The following MITF variants were observed in gnomAD, a reference collection of about 807,000 sequenced individuals.
MITF encodes microphthalmia-associated transcription factor.
MITF carries 17 observed loss-of-function variants against 60.5 expected under a neutral mutation model. The observed-to-expected ratio is 0.28, with a 90% CI of 0.19 to 0.42. The LOEUF (loss-of-function observed/expected upper bound fraction) is 0.42, where lower values mean the gene tolerates loss of function less well. MITF is among the 10% of genes least tolerant of loss of function. The pLI, the probability that MITF is intolerant of heterozygous loss-of-function variation, is 1.00. For missense variants in MITF, 622 were observed against 683.5 expected, an observed-to-expected ratio of 0.91 and a Z score of 1.00; for synonymous variants, 260 against 248.5, an observed-to-expected ratio of 1.05 and a Z score of -0.43.
chr3:69,755,644 A>C (rs896366905), intron 1 of MITF, among the ~76,000 whole-genome samples: 1 of 152,010 alleles, frequency 6.6e-6, no homozygotes, highest in African/African-American at 2.4e-5. Context: ...AAAAAGCAGA[A>C]AGGGGGGTTA....
At chr3:69,948,163 A>G (rs1229226936) in intron 5 of MITF, among the ~76,000 whole-genome samples, 3 of 152,138 alleles carry the variant, frequency 2.0e-5, no homozygotes, top group Non-Finnish European at 4.4e-5. Context: ...CAGTGGAAGG[A>G]GTGAGGTCAG....
intron 1 of MITF, among the ~76,000 whole-genome samples, chr3:69,777,950 A>G (rs1180067941): frequency 1.3e-5 from 2 of 152,136 alleles, no homozygotes; most frequent in East Asian, 3.8e-4. Context: ...TGTTACTGAA[A>G]GATCACTCTG....
chr3:69,964,608 A>G (rs2066636927), intron 9 of MITF, among the ~76,000 whole-genome samples: 1 of 133,608 alleles, frequency 7.5e-6, no homozygotes, highest in South Asian at 2.5e-4. Context: ...AGCCTTCCCC[A>G]TTATCAACAT....
intron 7 of MITF, among the ~76,000 whole-genome samples, chr3:69,953,869 A>G (rs564825818): frequency 6.6e-6 from 1 of 152,010 alleles, no homozygotes; most frequent in Admixed American, 6.6e-5. Context: ...AATAATATGT[A>G]TAATATCCCA....
chr3:69,965,997 T>C lies in MITF; in HGVS notation c.*749T>C, dbSNP rs1479946999. The stretch of plus-strand genomic sequence containing the variant: ...TGATCCAGTTTTTCATAAGATATTT[T>C]ATTTTGAAATGGAAATTAATGTCCT... On this transcript the variant is annotated 3_prime_UTR_variant, in exon 10 of 10. Transcript: ENST00000352241. The C allele has an allele frequency of 4.3e-6, 1 of 232,062 alleles. No homozygotes were observed. 14.4% of individuals were successfully genotyped at this position (232,062 alleles called of 1,614,324 possible).
At chr3:69,825,378 T>C (rs2063338207) in intron 1 of MITF, among the ~76,000 whole-genome samples, 1 of 152,160 alleles carries the variant, frequency 6.6e-6, no homozygotes, top group African/African-American at 2.4e-5. Context: ...AGGAAGAGAA[T>C]AGTGGTTCTG....
At chr3:69,857,564 C>T (rs1036752259) in intron 1 of MITF, among the ~76,000 whole-genome samples, 1 of 151,036 alleles carries the variant, frequency 6.6e-6, no homozygotes, top group African/African-American at 2.4e-5. Context: ...TCCCAACACG[C>T]TAATAAATGA....
chr3:69,942,258 A>G lies in MITF; in HGVS notation c.762+927A>G, dbSNP rs9848158. Among the ~76,000 whole-genome samples, 763 of 152,300 alleles carry G rather than the reference A, an allele frequency of 5.0e-3. 2 individuals are homozygous for G. Among genetic ancestry groups the G allele is most frequent in the African/African-American group, 0.017 (720 of 41,574 alleles). On this transcript the variant is annotated intron_variant, in intron 5 of 9. Transcript: ENST00000352241. ...AATTCTGGAGATCTGTTTGATAACA[A>G]TGTGAACATACATAACACTACTGAA... is the stretch of plus-strand genomic sequence containing the variant.
At chr3:69,796,849 A>G (rs1003087629) in intron 1 of MITF, among the ~76,000 whole-genome samples, 10 of 152,290 alleles carry the variant, frequency 6.6e-5, no homozygotes, top group African/African-American at 1.9e-4. Context: ...TATTGCCTTG[A>G]CAACAAACTA....
chr3:69,754,917 G>A (rs1704074303), intron 1 of MITF, among the ~76,000 whole-genome samples: 1 of 152,102 alleles, frequency 6.6e-6, no homozygotes, highest in Non-Finnish European at 1.5e-5. Context: ...GGCAATCAGT[G>A]TGGGGGTTGG....
intron 1 of MITF, among the ~76,000 whole-genome samples, chr3:69,744,803 C>T (rs377077954): frequency 6.6e-6 from 1 of 152,216 alleles, no homozygotes; most frequent in Non-Finnish European, 1.5e-5. Context: ...AAATATTTTA[C>T]ACTTTGTATC....
At chr3:69,939,682 T>C (rs1405798298) in intron 4 of MITF, among the ~76,000 whole-genome samples, 1 of 152,136 alleles carries the variant, frequency 6.6e-6, no homozygotes, top group African/African-American at 2.4e-5. Flanking sequence ...TTATGCTATA[T>C]CTATTTATAT....
At chr3:69,905,394 A>G (rs1297800826) in intron 2 of MITF, among the ~76,000 whole-genome samples, 2 of 148,766 alleles carry the variant, frequency 1.3e-5, no homozygotes. Flanking sequence ...CTTGATGAGC[A>G]TTTGCTTTTT....
intron 1 of MITF, among the ~76,000 whole-genome samples, chr3:69,819,233 G>A (rs986689409): frequency 6.6e-6 from 1 of 152,104 alleles, no homozygotes; most frequent in Non-Finnish European, 1.5e-5. Flanking sequence ...TTCCTCAAAG[G>A]CCCATCCTAA....
At chr3:69,814,512 A>C (rs1432922387) in intron 1 of MITF, among the ~76,000 whole-genome samples, 1 of 152,028 alleles carries the variant, frequency 6.6e-6, no homozygotes, top group African/African-American at 2.4e-5. Context: ...AATGTTTTGT[A>C]GAAACGGAGT....
At chr3:69,789,030 C>T (rs1274327780) in intron 1 of MITF, among the ~76,000 whole-genome samples, 1 of 151,922 alleles carries the variant, frequency 6.6e-6, no homozygotes, top group Non-Finnish European at 1.5e-5. Flanking sequence ...TGATATTGAA[C>T]TTAGCAATGA....
At chr3:69,824,912 G>C (rs932295280) in intron 1 of MITF, among the ~76,000 whole-genome samples, 1 of 152,236 alleles carries the variant, frequency 6.6e-6, no homozygotes, top group Admixed American at 6.5e-5. Context: ...CCTGCCTCCA[G>C]ATTTCTGGCT....
At chr3:69,772,382 G>T (rs531158904) in intron 1 of MITF, among the ~76,000 whole-genome samples, 1 of 152,250 alleles carries the variant, frequency 6.6e-6, no homozygotes, top group Non-Finnish European at 1.5e-5. Flanking sequence ...GGCAAATGTT[G>T]GTTCATGCCA....
At chr3:69,949,448 C>T (rs1187323616) in intron 6 of MITF, among the ~76,000 whole-genome samples, 2 of 151,898 alleles carry the variant, frequency 1.3e-5, no homozygotes, top group African/African-American at 4.8e-5. Flanking sequence ...GGTGAAGGTC[C>T]CCTTTGTGTT....
Sources: allele counts gnomAD v4.1 joint callset (sites outside exome capture counted in the v4.1 genomes callset), GRCh38; gene constraint gnomAD v4.1.1; transcripts MANE v1.5; gene names NCBI Gene and HGNC (gene_info 2026-07-23, HGNC 2026-07-21).